ADAM22: variants seen among roughly 807,000 people sequenced by gnomAD.
ADAM22 encodes the protein disintegrin and metalloproteinase domain-containing protein 22.
ADAM22 carries 65 observed loss-of-function variants against 144.6 expected under a neutral mutation model. The observed-to-expected ratio is 0.45, with a 90% CI of 0.37 to 0.55. The LOEUF (loss-of-function observed/expected upper bound fraction) is 0.55, where lower values mean the gene tolerates loss of function less well. Ranked by LOEUF, ADAM22 falls within the 20% of genes least tolerant of loss-of-function variation. The probability of loss-of-function intolerance (pLI) is 0.00; values close to 1 mark genes in which losing one functional copy is unlikely to be tolerated. For synonymous variants in ADAM22, 391 were observed against 412.6 expected (o/e 0.95, Z 0.63); for missense variants, 974 against 1,184.9 (o/e 0.82, Z 2.61).
intron 18 of ADAM22, among the ~76,000 whole-genome samples, chr7:88,150,748 C>T (rs1033930495): frequency 6.6e-6 from 1 of 152,112 alleles, no homozygotes; most frequent in South Asian, 2.1e-4. Flanking sequence ...GGCAAGTGTA[C>T]CCATTGTTTT....
At chr7:88,112,416 G>A (rs1826287135) in intron 5 of ADAM22, among the ~76,000 whole-genome samples, 1 of 152,182 alleles carries the variant, frequency 6.6e-6, no homozygotes, top group Non-Finnish European at 1.5e-5. Flanking sequence ...TTCAATGAAA[G>A]ACAAATACTA....
intron 3 of ADAM22, among the ~76,000 whole-genome samples, chr7:88,034,343 G>A (rs1278428802): frequency 6.6e-6 from 1 of 152,118 alleles, no homozygotes; most frequent in Non-Finnish European, 1.5e-5. Context: ...CTGGGAGCTG[G>A]GCCCTGGAAT....
intron 14 of ADAM22, among the ~76,000 whole-genome samples, chr7:88,141,922 G>A (rs1834807809): frequency 6.6e-6 from 1 of 151,932 alleles, no homozygotes; most frequent in Admixed American, 6.6e-5. Context: ...ATTTCTAAAA[G>A]TAGAATTACT....
At chr7:88,068,831 C>T (rs1454821258) in intron 3 of ADAM22, among the ~76,000 whole-genome samples, 3 of 152,098 alleles carry the variant, frequency 2.0e-5, no homozygotes, top group African/African-American at 7.2e-5. Flanking sequence ...CTTGGGCTTC[C>T]TGACAGCATG....
intron 3 of ADAM22, among the ~76,000 whole-genome samples, chr7:88,024,655 CTCA>C: frequency 1.3e-5 from 2 of 151,352 alleles, no homozygotes; most frequent in South Asian, 4.2e-4. Flanking sequence ...CACCCATTAA[CTCA>C]TCATTTAACA....
intron 3 of ADAM22, among the ~76,000 whole-genome samples, chr7:88,072,701 TC>T (rs1318804867): frequency 1.3e-5 from 2 of 152,228 alleles, no homozygotes; most frequent in Non-Finnish European, 2.9e-5. Flanking sequence ...ATGATTTTTT[TC>T]TGAATTTACA....
chr7:87,978,340 C>G lies in ADAM22; in HGVS notation c.251C>G (p.Thr84Ser). The change falls in exon 3 of 32, where the codon ACT becomes AGT. Residue 84 changes from threonine (T) to serine (S), a missense_variant. Thr to Ser is a moderately conservative substitution (Grantham distance 58). This residue lies in a region of ADAM22 where 240 missense variants were observed against 234.3 expected (regional missense o/e 1.02). Transcript: ENST00000413139. ...VRGDLGGPQL[T>S]HVDQASFQVD... ...TTTTTCTTTTTGATATTGTAGTTGA[C>G]TCATGTTGACCAAGCAAGCTTCCAG... 1 of 1,612,386 alleles carries G rather than the reference C, an allele frequency of 6.2e-7. No individual in the cohort carries two copies.
chr7:88,084,099 G>C (rs997986487), intron 4 of ADAM22, among the ~76,000 whole-genome samples: 4 of 152,134 alleles, frequency 2.6e-5, no homozygotes, highest in Non-Finnish European at 2.9e-5. Context: ...TCTGTCAGTG[G>C]AATGATGAAA....
intron 4 of ADAM22, among the ~76,000 whole-genome samples, chr7:88,082,783 A>T (rs1038276044): frequency 6.6e-6 from 1 of 152,140 alleles, no homozygotes; most frequent in South Asian, 2.1e-4. Flanking sequence ...CAAAACCACA[A>T]TGAGATACCA....
chr7:88,134,272 T>C, intron 12 of ADAM22, 57 bp from the exon 13 acceptor site: 1 of 1,343,408 alleles, frequency 7.4e-7, no homozygotes, highest in Non-Finnish European at 1.0e-6. Context: ...TTTCTCTGGT[T>C]CTTTGTCAGT....
intron 2 of ADAM22, among the ~76,000 whole-genome samples, chr7:87,946,622 G>C (rs1218367439): frequency 6.6e-6 from 1 of 152,134 alleles, no homozygotes; most frequent in Non-Finnish European, 1.5e-5. Context: ...TTTCCCCATG[G>C]CTTATTTTTG....
Position 88,135,973 on chromosome 7 carries a change from C to G in ADAM22, c.1169-7C>G. ...ATAACAAGGCATGTGTATTAATTTT[C>G]TCTTAGGTGAATGTAAATGCGAGGA... On this transcript the variant is annotated splice_polypyrimidine_tract_variant and splice_region_variant and intron_variant, in intron 13 of 31. Transcript: ENST00000413139. 1.2e-6 allele frequency: 2 copies of G among 1,608,534 alleles called. No individual in the cohort carries two copies. The highest frequency in any genetic ancestry group is 1.3e-5 in the African/African-American group (1 of 74,918).
chr7:87,992,981 G>T (rs1790256403), intron 3 of ADAM22, among the ~76,000 whole-genome samples: 1 of 152,164 alleles, frequency 6.6e-6, no homozygotes, highest in Non-Finnish European at 1.5e-5. Context: ...GTTGATACTA[G>T]TCAGGATCAC....
intron 12 of ADAM22, among the ~76,000 whole-genome samples, chr7:88,133,937 C>T (rs1832419242): frequency 6.6e-6 from 1 of 152,194 alleles, no homozygotes; most frequent in East Asian, 1.9e-4. Flanking sequence ...AGGATTACAA[C>T]TGGATACAAA....
intron 2 of ADAM22, among the ~76,000 whole-genome samples, chr7:87,954,160 T>C (rs1846019531): frequency 6.6e-6 from 1 of 152,140 alleles, no homozygotes; most frequent in South Asian, 2.1e-4. Context: ...TTAATATTGT[T>C]ATGTGTGAAT....
At position 88,153,456 on chromosome 7, in the gene ADAM22, C is replaced by T. The variant is rs3815259; in HGVS notation, c.1787+130C>T. The T allele has an allele frequency of 1.8e-3, 1,213 of 666,852 alleles. 15 individuals are homozygous for T. In the East Asian group the frequency reaches 0.032, roughly 18 times the overall value. The allele number at this position is 666,852 out of a possible 1,614,324, so 41.3% of individuals were successfully genotyped here. A position where few individuals can be genotyped will look rare whatever the true frequency, so the allele number is the denominator to read the frequency against. ...CTTGCCTCCTTAACCTCATCTCTTCCCAGTGTTCCAGCATCACCTGTGCAG... is the reference window on the plus strand; with the variant it reads ...CTTGCCTCCTTAACCTCATCTCTTCTCAGTGTTCCAGCATCACCTGTGCAG... On this transcript the variant is annotated intron_variant, in intron 21 of 31. Coordinates refer to ENST00000413139, the MANE Select transcript of ADAM22 (RefSeq NM_001324418.2).
intron 4 of ADAM22, among the ~76,000 whole-genome samples, chr7:88,085,840 A>C (rs186920453): frequency 1.6e-3 from 239 of 152,306 alleles, no homozygotes; most frequent in African/African-American, 5.0e-3. Context: ...TTTATCACCA[A>C]AGCATGTACC....
chr7:88,013,305 GT>G, intron 3 of ADAM22, among the ~76,000 whole-genome samples: 1 of 152,294 alleles, frequency 6.6e-6, no homozygotes, highest in Admixed American at 6.5e-5. Flanking sequence ...TTGATTTTTA[GT>G]TTGCTCAGCT....
chr7:87,994,262 G>A (rs1280324156), intron 3 of ADAM22, among the ~76,000 whole-genome samples: 4 of 151,586 alleles, frequency 2.6e-5, no homozygotes, highest in South Asian at 2.1e-4. Context: ...CCTGGTTCAC[G>A]CCATTCTCCT....
Sources: gnomAD v4.1 joint callset for allele counts (sites outside exome capture counted in the v4.1 genomes callset) on GRCh38, gnomAD v4.1.1 for gene constraint, gnomAD v4.1.1 regional missense constraint, MANE v1.5 for transcripts, NCBI Gene and HGNC (gene_info 2026-07-23, HGNC 2026-07-21) for gene names.